Variants in NCOR2 observed in about 807,000 individuals in gnomAD.
NCOR2 encodes the protein CTG repeat protein 26.
A neutral mutation model predicts 262.9 loss-of-function variants in NCOR2; 81 were observed. The ratio of observed to expected loss-of-function variants is 0.31; its 90% CI spans 0.26 to 0.37. NCOR2 has a LOEUF of 0.37. Ranked by LOEUF, NCOR2 falls within the 10% of genes least tolerant of loss-of-function variation. The probability of loss-of-function intolerance (pLI) is 1.00; values close to 1 mark genes in which losing one functional copy is unlikely to be tolerated. For missense variants in NCOR2, 3,385 were observed against 3,621.4 expected, an observed-to-expected ratio of 0.93 and a Z score of 1.68; for synonymous variants, 1,659 against 1,559.3, an observed-to-expected ratio of 1.06 and a Z score of -1.51.
At chr12:124,417,771 A>G (rs1302923232) in intron 13 of NCOR2, among the ~76,000 whole-genome samples, 1 of 152,182 alleles carries the variant, frequency 6.6e-6, no homozygotes, top group African/African-American at 2.4e-5. Flanking sequence ...TTTCAAAAAC[A>G]CCGTAGCGGC....
chr12:124,351,659 AAT>A (rs1491205114), intron 27 of NCOR2, among the ~76,000 whole-genome samples: 1 of 152,182 alleles, frequency 6.6e-6, no homozygotes, highest in East Asian at 1.9e-4. Context: ...TCAGAGTTAG[AAT>A]ATGACTTTGG....
chr12:124,510,364 C>T (rs2049326494), intron 1 of NCOR2, among the ~76,000 whole-genome samples: 1 of 152,252 alleles, frequency 6.6e-6, no homozygotes, highest in African/African-American at 2.4e-5. Context: ...ATCTTCCACG[C>T]CGCTGCCCTG....
At chr12:124,430,527 T>C (rs916668334) in intron 9 of NCOR2, 88 bp downstream of exon 11, 2 of 1,488,398 alleles carry the variant, frequency 1.3e-6, no homozygotes, top group African/African-American at 2.8e-5. Context: ...GCTGTTCTGT[T>C]CCTTCCTGGC....
intron 11 of NCOR2, among the ~76,000 whole-genome samples, chr12:124,423,503 T>C (rs1460313468): frequency 6.6e-6 from 1 of 151,984 alleles, no homozygotes; most frequent in East Asian, 1.9e-4. Context: ...CAGTCTCTGC[T>C]CTCTTCCCGG....
chr12:124,467,144 C>A (rs2046469418), intron 4 of NCOR2, among the ~76,000 whole-genome samples: 2 of 133,074 alleles, frequency 1.5e-5, no homozygotes, highest in Non-Finnish European at 3.2e-5. Context: ...TCCTCATCAC[C>A]CCCATCATCC....
Position 124,422,564 on chromosome 12 carries a change from C to T in NCOR2, c.1329-9G>A, listed in dbSNP as rs765136528. 14 of 1,613,804 alleles carry T rather than the reference C, an allele frequency of 8.7e-6. No homozygotes were observed. The highest frequency in any genetic ancestry group is 2.2e-5 in the East Asian group (1 of 44,866). On this transcript the variant is annotated splice_polypyrimidine_tract_variant and intron_variant, in intron 11 of 46. Coordinates refer to ENST00000405201, the Ensembl canonical transcript of NCOR2. ...TGGGATGCTGCATGAACCTGCGGGA[C>T]GAGAAGGGTGGGCGTGAGACCTGGC...
intron 24 of NCOR2, 175 bp downstream of exon 26, chr12:124,355,257 G>C: frequency 2.7e-6 from 2 of 733,074 alleles, no homozygotes; most frequent in Non-Finnish European, 4.4e-6. Flanking sequence ...GACCCCCCAG[G>C]GACGAGGCCC....
At chr12:124,564,260 C>A (rs926913259) in intron 1 of NCOR2, among the ~76,000 whole-genome samples, 1 of 152,188 alleles carries the variant, frequency 6.6e-6, no homozygotes, top group Non-Finnish European at 1.5e-5. Flanking sequence ...GGGGACCACA[C>A]GCACCCACCT....
At chr12:124,462,510 C>T (rs955576503) in intron 5 of NCOR2, among the ~76,000 whole-genome samples, 3 of 152,234 alleles carry the variant, frequency 2.0e-5, no homozygotes, top group African/African-American at 7.2e-5. Context: ...GCAGGAAAAG[C>T]GGCAGGTCAG....
intron 1 of NCOR2, among the ~76,000 whole-genome samples, chr12:124,493,313 C>G (rs1356347207): frequency 6.6e-6 from 1 of 152,024 alleles, no homozygotes; most frequent in East Asian, 1.9e-4. Context: ...GCCAGCAGCA[C>G]CCCCAGGGCA....
intron 1 of NCOR2, among the ~76,000 whole-genome samples, chr12:124,507,140 A>G (rs1416684620): frequency 6.6e-6 from 1 of 152,240 alleles, no homozygotes; most frequent in Non-Finnish European, 1.5e-5. Flanking sequence ...GGAGGTGGCC[A>G]GAGTCACTGA....
In NCOR2 at chr12:124,503,737, C is replaced by T. The variant is rs1262242227; in HGVS notation, c.-117-8369G>A. 2.8e-5 allele frequency among the ~76,000 whole-genome samples: 4 copies of T among 144,942 alleles called. No homozygotes were observed. The highest frequency in any genetic ancestry group is 2.1e-4 in the East Asian group (1 of 4,762). On this transcript the variant is annotated intron_variant, in intron 1 of 46. Transcript: ENST00000404621. This position sits in a 1 kb window ranked among gnomAD's most constrained non-coding sequence, Gnocchi z 4.3. ...ACAGACGAATGGATGGATGGATGGACGGATGGATGCATGGATGCATGGATG... is the reference window on the plus strand; with the variant it reads ...ACAGACGAATGGATGGATGGATGGATGGATGGATGCATGGATGCATGGATG...
At chr12:124,363,361 G>A (rs1038970111) in intron 21 of NCOR2, among the ~76,000 whole-genome samples, 1 of 152,234 alleles carries the variant, frequency 6.6e-6, no homozygotes, top group Non-Finnish European at 1.5e-5. Context: ...TGGCCAAGCT[G>A]TTGCTATAGC....
chr12:124,350,423 C>T lies in NCOR2; in HGVS notation c.3844+164G>A, dbSNP rs189682008. Among the ~76,000 whole-genome samples, 13 of 152,308 alleles carry T rather than the reference C, an allele frequency of 8.5e-5. 1 individual carries two copies. Among genetic ancestry groups the T allele is most frequent in the African/African-American group, 7.2e-5 (3 of 41,572 alleles). On this transcript the variant is annotated intron_variant, in intron 28 of 46. Transcript: ENST00000405201. ...AGAGGTGGGAGGCAGCTAAGGCCAA[C>T]GCTTCCCTGCTGCTGGCTTGCATAC...
intron 27 of NCOR2, among the ~76,000 whole-genome samples, chr12:124,353,220 C>T (rs1164264244): frequency 1.3e-5 from 2 of 152,222 alleles, no homozygotes; most frequent in Non-Finnish European, 2.9e-5. Context: ...GAATGACTCT[C>T]CCAGGAATAC....
At chr12:124,453,572 G>GC (rs35220737) in intron 6 of NCOR2, among the ~76,000 whole-genome samples, 2 of 152,186 alleles carry the variant, frequency 1.3e-5, no homozygotes, top group Admixed American at 6.5e-5. Flanking sequence ...GGAGGAGGCG[G>GC]CCCCCCTCGG....
chr12:124,367,792 C>G (rs954289574), intron 20 of NCOR2, among the ~76,000 whole-genome samples: 4 of 152,182 alleles, frequency 2.6e-5, no homozygotes, highest in African/African-American at 9.7e-5. Context: ...GCCACCATAC[C>G]TGGCTAATTT....
chr12:124,391,573 T>C (rs764697499), intron 16 of NCOR2, among the ~76,000 whole-genome samples: 11 of 152,162 alleles, frequency 7.2e-5, no homozygotes, highest in Non-Finnish European at 1.2e-4. Flanking sequence ...CCTGCGTGTC[T>C]TGTCAGGACT....
intron 6 of NCOR2, among the ~76,000 whole-genome samples, chr12:124,456,232 C>T (rs2045845918): frequency 6.6e-6 from 1 of 152,224 alleles, no homozygotes; most frequent in South Asian, 2.1e-4. Flanking sequence ...CCTAGCCCAC[C>T]ATGCACACAG....
Sources: gnomAD v4.1 joint callset for allele counts (sites outside exome capture counted in the v4.1 genomes callset) on GRCh38, gnomAD v4.1.1 for gene constraint, Gnocchi (gnomAD v3.1) non-coding constraint, MANE v1.5 for transcripts, NCBI Gene and HGNC (gene_info 2026-07-23, HGNC 2026-07-21) for gene names.